DDX52: variants seen among roughly 807,000 people sequenced by gnomAD.
DDX52 encodes probable ATP-dependent RNA helicase DDX52.
DDX52 carries 59 observed loss-of-function variants against 76.1 expected under a neutral mutation model. The observed-to-expected ratio is 0.78, with a 90% CI of 0.63 to 0.96. DDX52 has a LOEUF of 0.96. DDX52 is among the 40% of genes least tolerant of loss of function. DDX52 has a pLI of 0.00. For synonymous variants in DDX52, 231 were observed against 244.1 expected, an observed-to-expected ratio of 0.95 and a Z score of 0.50; for missense variants, 707 against 703.9, an observed-to-expected ratio of 1.00 and a Z score of -0.05.
Position 37,632,192 on chromosome 17 carries a change from C to T in DDX52, c.524G>A (p.Arg175Gln). 1.2e-6 allele frequency: 2 copies of T among 1,613,470 alleles called. No individual in the cohort carries two copies. Among genetic ancestry groups the T allele is most frequent in the Non-Finnish European group, 8.5e-7 (1 of 1,179,932 alleles). Residue 175 changes from arginine (R) to glutamine (Q), a missense_variant, in exon 4 of 15, where the codon CGA becomes CAA. Coordinates refer to ENST00000617633, the MANE Select transcript of DDX52 (RefSeq NM_007010.5). ...QLDQEYKINS[R>Q]LLQNILDAGF... Reference sequence around the variant, plus strand: ...TGCATCTAGAATGTTCTGAAGTAGTCGAGAATTGATTTTATATTCCTGGTC... The same window carrying T: ...TGCATCTAGAATGTTCTGAAGTAGTTGAGAATTGATTTTATATTCCTGGTC...
chr17:37,619,530 C>T (rs1005551415), intron 13 of DDX52, among the ~76,000 whole-genome samples: 1 of 151,804 alleles, frequency 6.6e-6, no homozygotes, highest in Non-Finnish European at 1.5e-5. Flanking sequence ...CAGCAAGACC[C>T]CATTTCTACT....
chr17:37,630,946 G>A (rs1280501434), intron 4 of DDX52: 2 of 152,082 alleles, frequency 1.3e-5, no homozygotes, highest in African/African-American at 4.8e-5. Context: ...GGCCCACTGT[G>A]ATTTTTTAAG....
chr17:37,610,056 A>G lies in DDX52; in HGVS notation c.*4240T>C, dbSNP rs143338039. On this transcript the variant is annotated 3_prime_UTR_variant, in exon 15 of 15. Coordinates refer to ENST00000617633, the MANE Select transcript of DDX52 (RefSeq NM_007010.5). ...TTTTGTTTTTCCTATTCTTGCAGGCAAGTGCAAAACAGTGGTTTTTGGAAG... is the reference window on the plus strand; with the variant it reads ...TTTTGTTTTTCCTATTCTTGCAGGCGAGTGCAAAACAGTGGTTTTTGGAAG... The G allele has an allele frequency of 1.2e-4, 18 of 152,228 alleles. No individual in the cohort carries two copies. The highest frequency in any genetic ancestry group is 4.1e-4 in the African/African-American group (17 of 41,524). The allele number at this position is 152,228 out of a possible 1,614,324, so 9.4% of individuals were successfully genotyped here.
At chr17:37,624,241 G>A (rs2030247686) in intron 9 of DDX52, 103 bp downstream of exon 9, 5 of 740,886 alleles carry the variant, frequency 6.7e-6, no homozygotes, top group African/African-American at 3.5e-5. Flanking sequence ...CTGAATACGA[G>A]CCAAGATGAT....
chr17:37,621,046 T>C, intron 11 of DDX52, 81 bp downstream of exon 11: 1 of 1,553,444 alleles, frequency 6.4e-7, no homozygotes, highest in Non-Finnish European at 8.7e-7. Context: ...CACTAAGAAG[T>C]GAGCATATGT....
In DDX52 at chr17:37,626,793, T is replaced by G. The variant is rs1164997521; in HGVS notation, c.927A>C (p.Leu309=). The change falls in exon 7 of 15, where the codon CTA becomes CTC. Residue 309 remains leucine (L), a synonymous_variant. Transcript: ENST00000617633. ...LLKQDPPGID[L]ASVEWLVVDE... is the part of the protein sequence containing the mutation. Reference sequence around the variant, plus strand: ...CATGAAAATATCATCTATACCTTGCTAGGTCGATTCCGGGGGGATCTTGCT... The same window carrying G: ...CATGAAAATATCATCTATACCTTGCGAGGTCGATTCCGGGGGGATCTTGCT... The G allele has an allele frequency of 6.2e-7, 1 of 1,611,632 alleles. No individual in the cohort carries two copies. The highest frequency in any genetic ancestry group is 2.2e-5 in the East Asian group (1 of 44,828).
rs746737236 is a variant in DDX52 at position 37,633,306 on chromosome 17, C to T, written c.399G>A (p.Glu133=). ...RESKLTSGKL[E]NLRKEKINFL... The stretch of plus-strand genomic sequence containing the variant: ...TTCTAACCTTTTCTTTTCTGAGATT[C>T]TCCAACTTTCCGGAAGTTAGTTTAC... The change falls in exon 3 of 15, where the codon GAG becomes GAA. Residue 133 remains glutamate (E), a synonymous_variant. Transcript: ENST00000617633. The T allele has an allele frequency of 3.7e-5, 59 of 1,604,896 alleles. 1 individual carries two copies. In the East Asian group the frequency reaches 1.3e-3, roughly 35 times the overall value.
intron 14 of DDX52, among the ~76,000 whole-genome samples, chr17:37,615,467 C>T (rs2064413660): frequency 2.0e-5 from 3 of 152,066 alleles, no homozygotes; most frequent in South Asian, 4.1e-4. Flanking sequence ...CGCTTGAGTC[C>T]AGGAGTTTGA....
At chr17:37,643,279 C>A (rs2147375552) in intron 1 of DDX52, 55 bp downstream of exon 1, 2 of 1,560,790 alleles carry the variant, frequency 1.3e-6, no homozygotes, top group Non-Finnish European at 1.7e-6. Context: ...CGGGTTCATT[C>A]CCGGGCTCCT....
chr17:37,610,319 T>G lies in DDX52; in HGVS notation c.*3977A>C, dbSNP rs972583077. The G allele has an allele frequency of 1.3e-4, 12 of 95,204 alleles. No individual in the cohort carries two copies. Among genetic ancestry groups the G allele is most frequent in the Middle Eastern group, 6.0e-3 (1 of 168 alleles). The allele number at this position is 95,204 out of a possible 1,614,324, so 5.9% of individuals were successfully genotyped here. Reference sequence around the variant, plus strand: ...TTTTTTTTTTTTTTTTTTTTTTTTTTGTAGAGATAGGATCTATGTTGCCCA... The same window carrying G: ...TTTTTTTTTTTTTTTTTTTTTTTTTGGTAGAGATAGGATCTATGTTGCCCA... On this transcript the variant is annotated 3_prime_UTR_variant, in exon 15 of 15. Transcript: ENST00000617633.
Position 37,628,578 on chromosome 17 carries a change from T to C in DDX52, c.842A>G (p.Lys281Arg), listed in dbSNP as rs1242953102. 6.2e-7 allele frequency: 1 copy of C among 1,612,770 alleles called. No individual in the cohort carries two copies. Among genetic ancestry groups the C allele is most frequent in the Non-Finnish European group, 8.5e-7 (1 of 1,179,612 alleles). The part of the protein sequence containing the change: ...AAVAAKKFGP[K>R]SSKKFDILVT... ...TTCCTTACCAAACTTTTTAGATGAT[T>C]TAGGTCCAAATTTCTTGGCTGCCAC... Residue 281 changes from lysine to arginine, a missense_variant, in exon 6 of 15, where the codon AAA (lysine) becomes AGA (arginine). Lys to Arg is a conservative substitution (Grantham distance 26). Coordinates refer to ENST00000617633, the MANE Select transcript of DDX52 (RefSeq NM_007010.5).
chr17:37,617,594 T>C (rs781725971), intron 14 of DDX52, among the ~76,000 whole-genome samples: 4 of 152,236 alleles, frequency 2.6e-5, no homozygotes, highest in Admixed American at 6.5e-5. Context: ...TGTTACAATG[T>C]GCATCTGCGT....
chr17:37,638,772 T>A (rs1298917693), intron 2 of DDX52, among the ~76,000 whole-genome samples: 1 of 19,156 alleles, frequency 5.2e-5, no homozygotes, highest in South Asian at 3.0e-3. Context: ...TTTTTTTTCT[T>A]TTTTTTTTTT....
intron 2 of DDX52, among the ~76,000 whole-genome samples, chr17:37,639,094 G>A (rs1779198694): frequency 6.6e-6 from 1 of 152,020 alleles, no homozygotes; most frequent in Non-Finnish European, 1.5e-5. Context: ...AAAACGTAAT[G>A]CGCAGAAGGC....
At chr17:37,626,240 A>G (rs1184042343) in intron 7 of DDX52, 142 bp from the exon 8 acceptor site, 1 of 799,090 alleles carries the variant, frequency 1.3e-6, no homozygotes, top group Non-Finnish European at 1.9e-6. Flanking sequence ...AAAAAAAAAA[A>G]TAAGAAACAC....
At chr17:37,614,410 C>A (rs2064401696) in intron 14 of DDX52, 57 bp from the exon 15 acceptor site, 1 of 1,524,940 alleles carries the variant, frequency 6.6e-7, no homozygotes, top group South Asian at 1.2e-5. Context: ...ATTTACTTTC[C>A]ATAACCCTAC....
chr17:37,623,254 C>T (rs2030194063), intron 9 of DDX52, among the ~76,000 whole-genome samples: 1 of 152,058 alleles, frequency 6.6e-6, no homozygotes, highest in Non-Finnish European at 1.5e-5. Flanking sequence ...ACTAATTTTC[C>T]TTAAAAATTA....
At chr17:37,639,784 G>A (rs1214471629) in intron 2 of DDX52, among the ~76,000 whole-genome samples, 2 of 151,420 alleles carry the variant, frequency 1.3e-5, no homozygotes, top group African/African-American at 4.9e-5. Context: ...ATTTATCATA[G>A]ATCTACGGCC....
At chr17:37,625,261 G>A (rs915337216) in intron 8 of DDX52, among the ~76,000 whole-genome samples, 4 of 152,148 alleles carry the variant, frequency 2.6e-5, no homozygotes, top group Non-Finnish European at 4.4e-5. Flanking sequence ...CCAAAGTGCT[G>A]TGATTACAGG....
Sources: gnomAD v4.1 joint callset for allele counts (sites outside exome capture counted in the v4.1 genomes callset) on GRCh38, gnomAD v4.1.1 for gene constraint, MANE v1.5 for transcripts, NCBI Gene and HGNC (gene_info 2026-07-23, HGNC 2026-07-21) for gene names.